Variants in NOL3 observed in about 807,000 individuals in gnomAD.
NOL3 encodes the protein muscle-enriched cytoplasmic protein.
A neutral mutation model predicts 19.2 loss-of-function variants in NOL3; 18 were observed. The observed-to-expected ratio is 0.94, with a 90% CI of 0.65 to 1.39. NOL3 has a LOEUF of 1.39. Among genes scored for constraint, NOL3 ranks in the 40% most tolerant of loss-of-function variants. The probability of loss-of-function intolerance (pLI) is 0.00; values close to 1 mark genes in which losing one functional copy is unlikely to be tolerated. For missense variants in NOL3, 290 were observed against 289.5 expected, an observed-to-expected ratio of 1.00 and a Z score of -0.01; for synonymous variants, 127 against 137.3, an observed-to-expected ratio of 0.93 and a Z score of 0.52.
chr16:67,174,873 C>T (rs1597256366), exon 3 of NOL3: 2 of 1,611,972 alleles, frequency 1.2e-6, no homozygotes, highest in African/African-American at 2.7e-5. Context: ...GAAGCAGAAC[C>T]AGAGCCGGAA....
intron 2 of NOL3, 73 bp downstream of exon 2, chr16:67,174,537 G>A: frequency 1.4e-6 from 2 of 1,479,310 alleles, no homozygotes; most frequent in Non-Finnish European, 8.9e-7. Flanking sequence ...GGGGAGGGCA[G>A]GGTTGTCGTC....
rs749775215 is a variant in NOL3 at position 67,174,412 on chromosome 16, G to A, written c.243G>A (p.Gln81=). Residue 81 remains glutamine (Q), a synonymous_variant, in exon 2 of 4, where the codon CAG becomes CAA. Coordinates refer to ENST00000268605, the Ensembl canonical transcript of NOL3. The stretch of plus-strand genomic sequence containing the variant: ...GCCAGGAGCTGCTACGCTGTGCCCA[G>A]CGTACCGCGGGCGCGCCGGACCCCG... 14 of 1,534,668 alleles carry A rather than the reference G, an allele frequency of 9.1e-6. No homozygotes were observed. In the South Asian group the frequency reaches 1.4e-4, roughly 16 times the overall value.
chr16:67,172,909 TAG>T (rs2031851491), intron 1 of NOL3: 1 of 143,236 alleles, frequency 7.0e-6, no homozygotes, highest in Non-Finnish European at 1.5e-5. Context: ...CTGGCCAACA[TAG>T]TGAAACCCCG....
Position 67,170,899 on chromosome 16 carries a change from T to C in NOL3, c.-9+325T>C, listed in dbSNP as rs1222298310. On this transcript the variant is annotated intron_variant, in intron 1 of 3. Coordinates refer to ENST00000268605, the Ensembl canonical transcript of NOL3. The surrounding 1 kb of genome is among the most constrained non-coding windows in gnomAD (Gnocchi z 5.7). The stretch of plus-strand genomic sequence containing the variant: ...GGTTGGGGGCTGGGACCCAGCTCCG[T>C]GCCCCGCCACCTGGCTCTCTGGGAA... 6.6e-6 allele frequency among the ~76,000 whole-genome samples: 1 copy of C among 152,200 alleles called. No homozygotes were observed. The highest frequency in any genetic ancestry group is 1.5e-5 in the Non-Finnish European group (1 of 68,036).
At position 67,174,940 on chromosome 16, in the gene NOL3, C is replaced by T. The variant is rs188696118; in HGVS notation, c.615C>T (p.Ser205=). The change falls in exon 3 of 4, where the codon TCC becomes TCT. Residue 205 remains serine (S), a synonymous_variant. Coordinates refer to ENST00000268605, the Ensembl canonical transcript of NOL3. ...CCGACTTCGAGGAAAGGGACGAGTC[C>T]GAAGGTGTGAGTCCGCCCAAACCCT... is the stretch of plus-strand genomic sequence containing the variant. The T allele has an allele frequency of 2.5e-5, 41 of 1,611,668 alleles. No homozygotes were observed. In the East Asian group the frequency reaches 7.8e-4, roughly 31 times the overall value.
At chr16:67,171,561 T>A (rs1597249590) in intron 1 of NOL3, 1 of 152,180 alleles carries the variant, frequency 6.6e-6, no homozygotes, top group South Asian at 2.1e-4. Context: ...TTTTGGGTTG[T>A]CTCTGATGGG....
In NOL3 at chr16:67,174,019, G is replaced by A. The variant is rs1433733525; in HGVS notation, c.-8-143G>A. 11 of 1,545,968 alleles carry A rather than the reference G, an allele frequency of 7.1e-6. No homozygotes were observed. The South Asian group carries it at 1.3e-4, about 18-fold the overall frequency. The stretch of plus-strand genomic sequence containing the variant: ...GTGTTGGCCTCCAGGTCCTGTGCTT[G>A]CGGAGCCGTCCGGCGGCTGGGATCG... On this transcript the variant is annotated intron_variant, in intron 1 of 3. Transcript: ENST00000268605.
rs537234115 is a variant in NOL3 at position 67,175,178 on chromosome 16, G to A, written c.*124G>A. On this transcript the variant is annotated 3_prime_UTR_variant, in exon 4 of 4. Transcript: ENST00000268605. Reference sequence around the variant, plus strand: ...GTACCGCTGGAAGTGAATAAACTCCGGAGGGTCGGACGGGACCTGGGCTCT... The same window carrying A: ...GTACCGCTGGAAGTGAATAAACTCCAGAGGGTCGGACGGGACCTGGGCTCT... 4 of 1,573,522 alleles carry A rather than the reference G, an allele frequency of 2.5e-6. No homozygotes were observed. The African/African-American group carries it at 4.1e-5, about 16-fold the overall frequency.
At position 67,175,250 on chromosome 16, in the gene NOL3, T is replaced by TG. The variant is rs1248351722; in HGVS notation, c.*197dup. 1.8e-5 allele frequency: 27 copies of TG among 1,474,436 alleles called. No individual in the cohort carries two copies. In the East Asian group the frequency reaches 6.2e-4, roughly 34 times the overall value. 91.3% of individuals were successfully genotyped at this position (1,474,436 alleles called of 1,614,324 possible). ...CCCAGGAACTTAGGGTGGGTACCTC[T>TG]GAGTCCCAGGGACCTGGGCAGGCCC... On this transcript the variant is annotated 3_prime_UTR_variant, in exon 4 of 4. Transcript: ENST00000268605.
intron 1 of NOL3, chr16:67,173,633 G>A: frequency 1.8e-6 from 1 of 561,090 alleles, no homozygotes; most frequent in East Asian, 3.0e-5. Context: ...CAGAAGGCTG[G>A]ACTTAGTAAG....
rs370535035 is a variant in NOL3 at position 67,170,786 on chromosome 16, G to GA, written c.-9+216dup. Among the ~76,000 whole-genome samples the GA allele has an allele frequency of 9.2e-3, 1,392 of 152,010 alleles. 9 individuals are homozygous for GA. Among genetic ancestry groups the GA allele is most frequent in the Non-Finnish European group, 0.012 (836 of 67,990 alleles). Reference sequence around the variant, plus strand: ...TGGAGGGAGGTAAGGGGCGGGGGGGGAAAATCCGTGCAGTCGCACATGCGC... The same window carrying GA: ...TGGAGGGAGGTAAGGGGCGGGGGGGGAAAAATCCGTGCAGTCGCACATGCGC... On this transcript the variant is annotated intron_variant, in intron 1 of 3. Transcript: ENST00000268605. The surrounding 1 kb of genome is among the most constrained non-coding windows in gnomAD (Gnocchi z 5.7).
intron 1 of NOL3, chr16:67,171,357 G>A (rs2031745743): frequency 6.6e-6 from 1 of 152,304 alleles, no homozygotes; most frequent in Non-Finnish European, 1.5e-5. Context: ...GGGAACATTT[G>A]AGTCCTGGAC....
chr16:67,174,331 C>G (rs1351903605), exon 2 of NOL3: 1 of 1,600,834 alleles, frequency 6.2e-7, no homozygotes, highest in Non-Finnish European at 8.5e-7. Flanking sequence ...TGCCTGATGC[C>G]GAGCGCAGGG....
intron 1 of NOL3, chr16:67,173,856 A>G: frequency 6.5e-7 from 1 of 1,534,250 alleles, no homozygotes; most frequent in Non-Finnish European, 8.7e-7. Flanking sequence ...TGGGGAGGGC[A>G]TTCAGAGAGT....
At chr16:67,174,283 C>T (rs1166117017) in exon 2 of NOL3, 5 of 1,611,396 alleles carry the variant, frequency 3.1e-6, no homozygotes, top group Non-Finnish European at 4.2e-6. Context: ...TGGCGCGGGG[C>T]GTGCTCACCG....
At chr16:67,174,628 G>A (rs2032034750) in exon 3 of NOL3, 1 of 1,533,186 alleles carries the variant, frequency 6.5e-7, no homozygotes, top group East Asian at 2.3e-5. Context: ...CAGGCTACCG[G>A]GACCGCAGCT....
exon 2 of NOL3, chr16:67,174,362 G>A: frequency 6.3e-7 from 1 of 1,581,978 alleles, no homozygotes; most frequent in Non-Finnish European, 8.6e-7. Context: ...ACTGCTGCTG[G>A]TGCAGGGCAA....
At position 67,174,483 on chromosome 16, in the gene NOL3, G is replaced by A; in HGVS notation, c.295+19G>A. On this transcript the variant is annotated intron_variant, in intron 2 of 3. Transcript: ENST00000268605. ...GGTCCGGGTGAGCGCGCGGGGCGGG[G>A]CCTAGGGCAGAGCAGGGACGGGGCT... 1 of 1,476,166 alleles carries A rather than the reference G, an allele frequency of 6.8e-7. No homozygotes were observed. The highest frequency in any genetic ancestry group is 1.4e-5 in the South Asian group (1 of 72,324). The allele number at this position is 1,476,166 out of a possible 1,614,324, so 91.4% of individuals were successfully genotyped here.
At position 67,175,367 on chromosome 16, in the gene NOL3, T is replaced by A. The variant is rs926459666; in HGVS notation, c.*313T>A. ...GGAGATCCCAAACCTAGCCCCCTAG[T>A]GGGACAAGGACCTGACCCTCCTGCC... On this transcript the variant is annotated 3_prime_UTR_variant, in exon 4 of 4. Coordinates refer to ENST00000268605, the Ensembl canonical transcript of NOL3. 3 of 1,273,430 alleles carry A rather than the reference T, an allele frequency of 2.4e-6. No homozygotes were observed. The African/African-American group carries it at 4.5e-5, about 19-fold the overall frequency. The allele number at this position is 1,273,430 out of a possible 1,614,324, so 78.9% of individuals were successfully genotyped here. A position where few individuals can be genotyped will look rare whatever the true frequency, so the allele number is the denominator to read the frequency against.
Sources: gnomAD v4.1 joint callset for allele counts (sites outside exome capture counted in the v4.1 genomes callset) on GRCh38, gnomAD v4.1.1 for gene constraint, Gnocchi (gnomAD v3.1) non-coding constraint, MANE v1.5 for transcripts, NCBI Gene and HGNC (gene_info 2026-07-23, HGNC 2026-07-21) for gene names.